Variants in PPARD observed in about 807,000 individuals in gnomAD.
PPARD encodes the protein peroxisome proliferator-activated receptor delta.
A neutral mutation model predicts 39.5 loss-of-function variants in PPARD; 6 were observed. The ratio of observed to expected loss-of-function variants is 0.15; its 90% CI spans 0.08 to 0.30. The LOEUF (loss-of-function observed/expected upper bound fraction) is 0.30, where lower values mean the gene tolerates loss of function less well. Ranked by LOEUF, PPARD falls within the 10% of genes least tolerant of loss-of-function variation. The pLI, the probability that PPARD is intolerant of heterozygous loss-of-function variation, is 1.00. For missense variants in PPARD, 397 were observed against 596.8 expected, an observed-to-expected ratio of 0.67 and a Z score of 3.49; for synonymous variants, 210 against 231.3, an observed-to-expected ratio of 0.91 and a Z score of 0.83.
At chr6:35,416,269 G>A (rs936931656) in intron 3 of PPARD, among the ~76,000 whole-genome samples, 2 of 149,782 alleles carry the variant, frequency 1.3e-5, no homozygotes, top group African/African-American at 4.9e-5. Flanking sequence ...AGCTACTCGG[G>A]GGGCTGAGGC....
intron 3 of PPARD, among the ~76,000 whole-genome samples, chr6:35,415,837 C>T (rs1422695221): frequency 2.2e-5 from 3 of 133,386 alleles, no homozygotes; most frequent in Non-Finnish European, 4.6e-5. Flanking sequence ...CGAATTGGTT[C>T]ACACAGTTGT....
chr6:35,408,132 T>C (rs143646953), intron 2 of PPARD, among the ~76,000 whole-genome samples: 72 of 152,346 alleles, frequency 4.7e-4, no homozygotes, highest in African/African-American at 1.7e-3. Flanking sequence ...TGTCTTCTGC[T>C]GCTCCGAAGG....
chr6:35,417,406 C>T (rs1440571023), intron 3 of PPARD, among the ~76,000 whole-genome samples: 1 of 152,054 alleles, frequency 6.6e-6, no homozygotes, highest in Admixed American at 6.5e-5. Context: ...CTGCCTCAGC[C>T]TCCTCAGTAG....
Position 35,425,678 on chromosome 6 carries a change from T to G in PPARD, c.1079-154T>G, listed in dbSNP as rs1766524543. 6.6e-6 allele frequency among the ~76,000 whole-genome samples: 1 copy of G among 152,068 alleles called. No homozygotes were observed. Among genetic ancestry groups the G allele is most frequent in the South Asian group, 2.1e-4 (1 of 4,818 alleles). ...GGATTAAGACCAGGGGTAGGGAGAT[T>G]AGAACACCCAGTGGAGCATTGCTGA... On this transcript the variant is annotated intron_variant, in intron 7 of 7. Transcript: ENST00000360694. The surrounding 1 kb of genome is among the most constrained non-coding windows in gnomAD (Gnocchi z 4.5).
intron 2 of PPARD, among the ~76,000 whole-genome samples, chr6:35,356,169 T>A (rs1348335026): frequency 6.6e-6 from 1 of 152,198 alleles, no homozygotes; most frequent in Non-Finnish European, 1.5e-5. Flanking sequence ...CACTTCCATA[T>A]CATGATACTA....
intron 2 of PPARD, among the ~76,000 whole-genome samples, chr6:35,365,130 C>T (rs1403511643): frequency 1.1e-3 from 136 of 121,066 alleles, no homozygotes; most frequent in African/African-American, 4.4e-3. Context: ...CTTCCTTATT[C>T]TTTTTTTTTT....
At chr6:35,346,530 G>A (rs1259283612) in intron 1 of PPARD, among the ~76,000 whole-genome samples, 3 of 152,216 alleles carry the variant, frequency 2.0e-5, no homozygotes, top group African/African-American at 7.2e-5. Context: ...GTTGGAGCCA[G>A]GGTGAGGAGC....
rs1766682353 is a variant in PPARD, at chr6:35,427,855, TC to T, written c.*1779del. ...CCCTGCCCCTACGGGCGCTGCAGCCTCCCTTCCATGCCCCAGGATCACTCTC... is the reference window on the plus strand; with the variant it reads ...CCCTGCCCCTACGGGCGCTGCAGCCTCCTTCCATGCCCCAGGATCACTCTC... On this transcript the variant is annotated 3_prime_UTR_variant, in exon 8 of 8. Coordinates refer to ENST00000360694, the MANE Select transcript of PPARD (RefSeq NM_006238.5). The T allele has an allele frequency of 6.5e-6, 1 of 152,852 alleles. No individual in the cohort carries two copies. The highest frequency in any genetic ancestry group is 2.4e-5 in the African/African-American group (1 of 41,452). 9.5% of individuals were successfully genotyped at this position (152,852 alleles called of 1,614,324 possible). A position where few individuals can be genotyped will look rare whatever the true frequency, so the allele number is the denominator to read the frequency against.
At chr6:35,374,260 G>A (rs1470201526) in intron 2 of PPARD, among the ~76,000 whole-genome samples, 2 of 150,410 alleles carry the variant, frequency 1.3e-5, no homozygotes, top group East Asian at 3.9e-4. Flanking sequence ...ACCAGGCATA[G>A]ATGGGAAACA....
intron 2 of PPARD, among the ~76,000 whole-genome samples, chr6:35,368,217 G>C (rs141190342): frequency 2.6e-5 from 4 of 152,192 alleles, no homozygotes; most frequent in Non-Finnish European, 2.9e-5. Flanking sequence ...TCCAAAATAG[G>C]TTTGCTCTAG....
rs1186268175 is a variant in PPARD at position 35,426,520 on chromosome 6, C to T, written c.*441C>T. 5.6e-6 allele frequency: 1 copy of T among 179,770 alleles called. No homozygotes were observed. The highest frequency in any genetic ancestry group is 1.2e-5 in the Non-Finnish European group (1 of 85,608). The allele number at this position is 179,770 out of a possible 1,614,324, so 11.1% of individuals were successfully genotyped here. A position where few individuals can be genotyped will look rare whatever the true frequency, so the allele number is the denominator to read the frequency against. On this transcript the variant is annotated 3_prime_UTR_variant, in exon 8 of 8. Transcript: ENST00000360694. ...GGAGCAGAAGAGAGTGGGGCCTGCCCTCTGCCCCATCATTGCACCTGCAGG... is the reference window on the plus strand; with the variant it reads ...GGAGCAGAAGAGAGTGGGGCCTGCCTTCTGCCCCATCATTGCACCTGCAGG...
At chr6:35,347,810 T>C (rs1309109553) in intron 2 of PPARD, among the ~76,000 whole-genome samples, 1 of 151,988 alleles carries the variant, frequency 6.6e-6, no homozygotes, top group Non-Finnish European at 1.5e-5. Flanking sequence ...GGTTTCACCA[T>C]GTTGGCCAGG....
At chr6:35,375,847 C>G (rs1359690879) in intron 2 of PPARD, among the ~76,000 whole-genome samples, 1 of 152,228 alleles carries the variant, frequency 6.6e-6, no homozygotes, top group Non-Finnish European at 1.5e-5. Context: ...GCCACCTTAC[C>G]TGGCCTTTAT....
rs539076763 is a variant in PPARD at position 35,385,596 on chromosome 6, C to T, written c.-101-25391C>T. On this transcript the variant is annotated intron_variant, in intron 2 of 7. Transcript: ENST00000360694. ...CTATTGTCCTATGACCCTGCCAAAT[C>T]CCCCTCTGTGAGAAACACCCAAGAA... 1.3e-4 allele frequency among the ~76,000 whole-genome samples: 18 copies of T among 138,760 alleles called. No homozygotes were observed. In the South Asian group the frequency reaches 4.1e-3, roughly 32 times the overall value. The allele number at this position is 138,760 out of a possible 152,430, so 91.0% of individuals were successfully genotyped here.
chr6:35,383,310 T>TG (rs1763253944), intron 2 of PPARD, among the ~76,000 whole-genome samples: 1 of 151,978 alleles, frequency 6.6e-6, no homozygotes, highest in Admixed American at 6.6e-5. Flanking sequence ...AGCAAACAAA[T>TG]GGGTAACTTG....
chr6:35,365,130 C>CCTTTTTTTTTTTT (rs1281072287), intron 2 of PPARD, among the ~76,000 whole-genome samples: 1 of 121,086 alleles, frequency 8.3e-6, no homozygotes, highest in Admixed American at 8.8e-5. Context: ...CTTCCTTATT[C>CCTTTTTTTTTTTT]TTTTTTTTTT....
At chr6:35,414,282 A>G (rs1464307101) in intron 3 of PPARD, among the ~76,000 whole-genome samples, 1 of 152,134 alleles carries the variant, frequency 6.6e-6, no homozygotes, top group Non-Finnish European at 1.5e-5. Context: ...GCACCGGAAG[A>G]GTCTATACCG....
intron 2 of PPARD, among the ~76,000 whole-genome samples, chr6:35,367,335 G>A (rs1043213337): frequency 6.6e-6 from 1 of 152,136 alleles, no homozygotes; most frequent in Non-Finnish European, 1.5e-5. Context: ...TCTAAATGTG[G>A]AAAAAGGATA....
At chr6:35,362,458 T>G (rs1761978672) in intron 2 of PPARD, among the ~76,000 whole-genome samples, 1 of 151,664 alleles carries the variant, frequency 6.6e-6, no homozygotes, top group African/African-American at 2.4e-5. Context: ...TTTTTTTTTT[T>G]CCTTCCATAC....
Sources: allele counts gnomAD v4.1 joint callset (sites outside exome capture counted in the v4.1 genomes callset), GRCh38; gene constraint gnomAD v4.1.1; non-coding constraint Gnocchi (gnomAD v3.1); transcripts MANE v1.5; gene names NCBI Gene and HGNC (gene_info 2026-07-23, HGNC 2026-07-21).